ST3GAL4: variants seen among roughly 807,000 people sequenced by gnomAD.
ST3GAL4 encodes ST3 beta-galactoside alpha-2,3-sialyltransferase 4.
A neutral mutation model predicts 42.6 loss-of-function variants in ST3GAL4; 24 were observed. The ratio of observed to expected loss-of-function variants is 0.56; its 90% CI spans 0.41 to 0.79. ST3GAL4 has a LOEUF of 0.79. Ranked by LOEUF, ST3GAL4 falls within the 30% of genes least tolerant of loss-of-function variation. The pLI, the probability that ST3GAL4 is intolerant of heterozygous loss-of-function variation, is 0.00. For missense variants in ST3GAL4, 311 were observed against 430.8 expected, an observed-to-expected ratio of 0.72 and a Z score of 2.46; for synonymous variants, 135 against 163.2, an observed-to-expected ratio of 0.83 and a Z score of 1.32.
At chr11:126,369,008 A>G (rs986622868) in intron 1 of ST3GAL4, among the ~76,000 whole-genome samples, 7 of 152,090 alleles carry the variant, frequency 4.6e-5, no homozygotes, top group East Asian at 3.9e-4. Context: ...CTCACTTGCC[A>G]CCCTGGCCAG....
chr11:126,358,537 A>G (rs1476456437), intron 1 of ST3GAL4: 7 of 449,442 alleles, frequency 1.6e-5, no homozygotes, highest in African/African-American at 6.0e-5. Context: ...CCTTTATTCT[A>G]CAGACTGAGG....
intron 1 of ST3GAL4, among the ~76,000 whole-genome samples, chr11:126,401,757 A>T (rs1360797086): frequency 6.6e-6 from 1 of 152,012 alleles, no homozygotes; most frequent in East Asian, 1.9e-4. Flanking sequence ...TGGCAATTAG[A>T]AGGTCATTGG....
rs1005803236 is a variant in ST3GAL4 at position 126,367,160 on chromosome 11, C to T, written c.-61+11318C>T. On this transcript the variant is annotated intron_variant, in intron 1 of 10. Coordinates refer to ENST00000444328, the MANE Select transcript of ST3GAL4 (RefSeq NM_001254757.2). ...GCCCTTCTGGGAAGGCTGAATGGGG[C>T]GGAACTGGTCAGGGCCTGGCACCAA... Among the ~76,000 whole-genome samples, 8 of 152,108 alleles carry T rather than the reference C, an allele frequency of 5.3e-5. 1 individual carries two copies. The highest frequency in any genetic ancestry group is 3.9e-4 in the East Asian group (2 of 5,158).
intron 1 of ST3GAL4, among the ~76,000 whole-genome samples, chr11:126,357,951 C>T (rs1821472139): frequency 6.6e-6 from 1 of 152,238 alleles, no homozygotes; most frequent in Admixed American, 6.5e-5. Context: ...TCCGTGCCTG[C>T]CAAGTTCCAG....
At chr11:126,407,668 T>G in intron 6 of ST3GAL4, 34 bp downstream of exon 6, 1 of 1,609,788 alleles carries the variant, frequency 6.2e-7, no homozygotes, top group Non-Finnish European at 8.5e-7. Context: ...TCTGGGCACC[T>G]TCTCCTATTT....
rs753689559 is a variant in ST3GAL4 at position 126,359,149 on chromosome 11, G to A, written c.-61+3307G>A. 3.3e-5 allele frequency among the ~76,000 whole-genome samples: 5 copies of A among 152,144 alleles called. No homozygotes were observed. Among genetic ancestry groups the A allele is most frequent in the Non-Finnish European group, 5.9e-5 (4 of 68,026 alleles). On this transcript the variant is annotated intron_variant, in intron 1 of 10. Transcript: ENST00000444328. The surrounding 1 kb of genome is among the most constrained non-coding windows in gnomAD (Gnocchi z 4.8). ...GTGCTAAGGAATGCTGGTCTGCAGC[G>A]ACCCTACTTGTGCTCTGCGTCCTCT...
chr11:126,377,701 C>T (rs936999678), intron 1 of ST3GAL4, among the ~76,000 whole-genome samples: 42 of 152,220 alleles, frequency 2.8e-4, no homozygotes, highest in Admixed American at 1.9e-3. Flanking sequence ...GTCTCAGACT[C>T]TTGACCTCAG....
At chr11:126,412,048 G>A (rs1030262772) in intron 9 of ST3GAL4, among the ~76,000 whole-genome samples, 2 of 152,152 alleles carry the variant, frequency 1.3e-5, no homozygotes, top group African/African-American at 4.8e-5. Flanking sequence ...TTTACAGGTG[G>A]AATTGAGAGA....
chr11:126,388,356 A>G (rs951788634), intron 1 of ST3GAL4, among the ~76,000 whole-genome samples: 7 of 152,072 alleles, frequency 4.6e-5, no homozygotes, highest in African/African-American at 7.2e-5. Context: ...TTTAAGACAG[A>G]GTCTCGCTCT....
In ST3GAL4 at chr11:126,366,262, G is replaced by A. The variant is rs541053216; in HGVS notation, c.-61+10420G>A. ...AGCAGCAGCTGCTGTAGCTGAGCCCGGCCCACGGCCAGCCCTGAGGAATGG... is the reference window on the plus strand; with the variant it reads ...AGCAGCAGCTGCTGTAGCTGAGCCCAGCCCACGGCCAGCCCTGAGGAATGG... On this transcript the variant is annotated intron_variant, in intron 1 of 10. Coordinates refer to ENST00000444328, the MANE Select transcript of ST3GAL4 (RefSeq NM_001254757.2). This position sits in a 1 kb window ranked among gnomAD's most constrained non-coding sequence, Gnocchi z 4.2. Among the ~76,000 whole-genome samples, 11 of 152,256 alleles carry A rather than the reference G, an allele frequency of 7.2e-5. No homozygotes were observed. The South Asian group carries it at 8.3e-4, about 11-fold the overall frequency.
In ST3GAL4 at chr11:126,387,269, A is replaced by G. The variant is rs76492769; in HGVS notation, c.-60-18827A>G. ...ACCTGGAAAGGTCGTTTGCACTCAC[A>G]CAAGTGATGGTTGGTCCAGAATTCA... On this transcript the variant is annotated intron_variant, in intron 1 of 10. Transcript: ENST00000444328. Among the ~76,000 whole-genome samples, 6 of 152,322 alleles carry G rather than the reference A, an allele frequency of 3.9e-5. No individual in the cohort carries two copies. In the East Asian group the frequency reaches 1.2e-3, roughly 29 times the overall value.
rs1280597890 is a variant in ST3GAL4 at position 126,363,761 on chromosome 11, G to A, written c.-61+7919G>A. On this transcript the variant is annotated intron_variant, in intron 1 of 10. Coordinates refer to ENST00000444328, the MANE Select transcript of ST3GAL4 (RefSeq NM_001254757.2). The surrounding 1 kb of genome is among the most constrained non-coding windows in gnomAD (Gnocchi z 4.6). ...CCTCTCTCTTGAGCTCTTTCTCCCA[G>A]GGGAAGCTGCTCGAATGAGGGGAGT... 6.6e-6 allele frequency among the ~76,000 whole-genome samples: 1 copy of A among 152,190 alleles called. No homozygotes were observed. Among genetic ancestry groups the A allele is most frequent in the Non-Finnish European group, 1.5e-5 (1 of 68,034 alleles).
At chr11:126,369,054 C>A (rs1429334460) in intron 1 of ST3GAL4, among the ~76,000 whole-genome samples, 1 of 152,114 alleles carries the variant, frequency 6.6e-6, no homozygotes, top group Non-Finnish European at 1.5e-5. Context: ...GTGGCTGGTG[C>A]TCTGCCACCT....
chr11:126,409,214 G>A lies in ST3GAL4; in HGVS notation c.628-54G>A. On this transcript the variant is annotated intron_variant, in intron 8 of 10. Coordinates refer to ENST00000444328, the MANE Select transcript of ST3GAL4 (RefSeq NM_001254757.2). This position sits in a 1 kb window ranked among gnomAD's most constrained non-coding sequence, Gnocchi z 4.9. The stretch of plus-strand genomic sequence containing the variant: ...CGCTGAGGACCACTGGGTTGGATTT[G>A]AGAAACAGGGCTTCACCCGCTTCTG... The A allele has an allele frequency of 6.2e-7, 1 of 1,600,188 alleles. No homozygotes were observed. The highest frequency in any genetic ancestry group is 8.6e-7 in the Non-Finnish European group (1 of 1,169,408).
rs1027643681 is a variant in ST3GAL4 at position 126,410,222 on chromosome 11, T to C, written c.771+811T>C. Among the ~76,000 whole-genome samples, 2 of 152,226 alleles carry C rather than the reference T, an allele frequency of 1.3e-5. No homozygotes were observed. Among genetic ancestry groups the C allele is most frequent in the Non-Finnish European group, 2.9e-5 (2 of 68,042 alleles). On this transcript the variant is annotated intron_variant, in intron 9 of 10. Transcript: ENST00000444328. The surrounding 1 kb of genome is among the most constrained non-coding windows in gnomAD (Gnocchi z 5.3). ...GTGTCTGACCACAAGTTATGTGTTA[T>C]GTGTTTCTTCTTTTTAACCTGATGT...
At chr11:126,394,180 C>T (rs547189048) in intron 1 of ST3GAL4, among the ~76,000 whole-genome samples, 1 of 152,258 alleles carries the variant, frequency 6.6e-6, no homozygotes, top group South Asian at 2.1e-4. Flanking sequence ...AGATTCCAGC[C>T]CCAGACACTG....
chr11:126,362,221 G>A lies in ST3GAL4; in HGVS notation c.-61+6379G>A, dbSNP rs1368251776. Among the ~76,000 whole-genome samples, 11 of 135,728 alleles carry A rather than the reference G, an allele frequency of 8.1e-5. No homozygotes were observed. In the South Asian group the frequency reaches 1.2e-3, roughly 14 times the overall value. 89.0% of individuals were successfully genotyped at this position (135,728 alleles called of 152,430 possible). The stretch of plus-strand genomic sequence containing the variant: ...TTTTTTTTTTTTTTTTTTTTAAGAC[G>A]GAGTCTCACTCTGTTGCCCAGGCTG... On this transcript the variant is annotated intron_variant, in intron 1 of 10. Transcript: ENST00000444328.
At position 126,392,591 on chromosome 11, in the gene ST3GAL4, T is replaced by A. The variant is rs150007806; in HGVS notation, c.-60-13505T>A. On this transcript the variant is annotated intron_variant, in intron 1 of 10. Coordinates refer to ENST00000444328, the MANE Select transcript of ST3GAL4 (RefSeq NM_001254757.2). This position sits in a 1 kb window ranked among gnomAD's most constrained non-coding sequence, Gnocchi z 5.8. ...TGATGCAACTTGCTGCTCACAGTCA[T>A]CTTATTGTTTGCTGATGAATTCAGA... 6.6e-6 allele frequency among the ~76,000 whole-genome samples: 1 copy of A among 152,348 alleles called. No homozygotes were observed. The highest frequency in any genetic ancestry group is 1.5e-5 in the Non-Finnish European group (1 of 68,036).
Position 126,383,052 on chromosome 11 carries a change from G to C in ST3GAL4, c.-60-23044G>C, listed in dbSNP as rs1953068611. Among the ~76,000 whole-genome samples, 1 of 152,220 alleles carries C rather than the reference G, an allele frequency of 6.6e-6. No individual in the cohort carries two copies. The highest frequency in any genetic ancestry group is 2.4e-5 in the African/African-American group (1 of 41,456). On this transcript the variant is annotated intron_variant, in intron 1 of 10. Transcript: ENST00000444328. The surrounding 1 kb of genome is among the most constrained non-coding windows in gnomAD (Gnocchi z 4.5). ...AGAGGACAGTGAGTGTGTGTTGTGT[G>C]GGTGCCAGGCCAGGGAGTGCCCTCC...
Sources: gnomAD v4.1 joint callset for allele counts (sites outside exome capture counted in the v4.1 genomes callset) on GRCh38, gnomAD v4.1.1 for gene constraint, Gnocchi (gnomAD v3.1) non-coding constraint, MANE v1.5 for transcripts, NCBI Gene and HGNC (gene_info 2026-07-23, HGNC 2026-07-21) for gene names.